The following LRRTM4 variants were observed in gnomAD, a reference collection of about 807,000 sequenced individuals.
LRRTM4 encodes leucine rich repeat transmembrane neuronal 4, also known as leucine-rich repeat transmembrane neuronal protein 4.
In LRRTM4, 25 loss-of-function variants were observed where a neutral mutation model predicts 47.6. That is an observed-to-expected ratio of 0.53 (90% CI 0.38 to 0.73). The LOEUF (loss-of-function observed/expected upper bound fraction) is 0.73, where lower values mean the gene tolerates loss of function less well. LRRTM4 is among the 30% of genes least tolerant of loss of function. LRRTM4 has a pLI of 0.00. For missense variants in LRRTM4, 638 were observed against 713.4 expected (o/e 0.89, Z 1.20); for synonymous variants, 311 against 269.5 (o/e 1.15, Z -1.51).
At chr2:77,222,940 T>C (rs1239372455) in intron 3 of LRRTM4, among the ~76,000 whole-genome samples, 1 of 152,142 alleles carries the variant, frequency 6.6e-6, no homozygotes, top group East Asian at 1.9e-4. Context: ...CTGATGAACA[T>C]TGATGCAAAA....
intron 3 of LRRTM4, among the ~76,000 whole-genome samples, chr2:77,417,476 A>T (rs74575053): frequency 6.6e-6 from 1 of 152,024 alleles, no homozygotes; most frequent in African/African-American, 2.4e-5. Flanking sequence ...ACAATAGCAA[A>T]GACTCGGAAC....
At chr2:77,342,722 TTTTG>T (rs1327515928) in intron 3 of LRRTM4, among the ~76,000 whole-genome samples, 3 of 151,872 alleles carry the variant, frequency 2.0e-5, no homozygotes, top group African/African-American at 7.2e-5. Flanking sequence ...GTGTAGGTTG[TTTTG>T]TTTGTTTGAT....
intron 3 of LRRTM4, among the ~76,000 whole-genome samples, chr2:76,936,524 G>A (rs1350553858): frequency 6.7e-6 from 1 of 150,046 alleles, no homozygotes; most frequent in Non-Finnish European, 1.5e-5. Flanking sequence ...ACCATGGCAC[G>A]TGTATGCCTA....
Position 76,887,321 on chromosome 2 carries a change from C to A in LRRTM4, c.1552-138405G>T, listed in dbSNP as rs754955327. On this transcript the variant is annotated intron_variant, in intron 3 of 3. Coordinates refer to ENST00000409884, the MANE Select transcript of LRRTM4 (RefSeq NM_001134745.3). ...AAGTATTCAAAATTTGTAAAGCAAC[C>A]TTTAATTTTATTTGACTTTTCCTAA... Among the ~76,000 whole-genome samples the A allele has an allele frequency of 2.0e-5, 3 of 151,204 alleles. No homozygotes were observed. In the South Asian group the frequency reaches 6.2e-4, roughly 31 times the overall value.
chr2:76,988,898 T>C (rs965304611), intron 3 of LRRTM4, among the ~76,000 whole-genome samples: 2 of 151,762 alleles, frequency 1.3e-5, no homozygotes, highest in Non-Finnish European at 2.9e-5. Flanking sequence ...AAAACTCAGA[T>C]TGGTAAAATA....
intron 3 of LRRTM4, among the ~76,000 whole-genome samples, chr2:76,933,682 G>C (rs1230585409): frequency 6.6e-6 from 1 of 152,050 alleles, no homozygotes; most frequent in African/African-American, 2.4e-5. Flanking sequence ...AAAGCTGCCA[G>C]ATAACTCTAT....
At chr2:77,030,305 G>C (rs1678609246) in intron 3 of LRRTM4, among the ~76,000 whole-genome samples, 1 of 151,994 alleles carries the variant, frequency 6.6e-6, no homozygotes, top group Non-Finnish European at 1.5e-5. Context: ...GTGGTGGTAT[G>C]TGCCTGTAGT....
At chr2:77,391,882 C>G (rs1254479542) in intron 3 of LRRTM4, among the ~76,000 whole-genome samples, 1 of 151,914 alleles carries the variant, frequency 6.6e-6, no homozygotes, top group East Asian at 1.9e-4. Flanking sequence ...CAGACTGTAG[C>G]AATAGGATAC....
chr2:77,049,122 TTATATATATATATATA>T (rs3058032), intron 3 of LRRTM4, among the ~76,000 whole-genome samples: 10 of 62,698 alleles, frequency 1.6e-4, no homozygotes, highest in Non-Finnish European at 2.2e-4. Flanking sequence ...ATTTCATTTT[TTATATATATATATATA>T]TATATATATA....
intron 3 of LRRTM4, among the ~76,000 whole-genome samples, chr2:76,860,942 A>G (rs1672295122): frequency 6.6e-6 from 1 of 152,138 alleles, no homozygotes; most frequent in African/African-American, 2.4e-5. Flanking sequence ...ATCTCATAGT[A>G]TGGAAATACT....
intron 3 of LRRTM4, among the ~76,000 whole-genome samples, chr2:76,792,470 A>C (rs1675028765): frequency 6.6e-6 from 1 of 152,172 alleles, no homozygotes; most frequent in Non-Finnish European, 1.5e-5. Context: ...AGATAGAAGG[A>C]TATACATCAA....
At chr2:76,924,439 C>A (rs1417584507) in intron 3 of LRRTM4, among the ~76,000 whole-genome samples, 1 of 152,034 alleles carries the variant, frequency 6.6e-6, no homozygotes, top group Non-Finnish European at 1.5e-5. Flanking sequence ...ATAGATGTAG[C>A]TAAAGCCCCA....
intron 3 of LRRTM4, among the ~76,000 whole-genome samples, chr2:76,809,906 T>A (rs1456169901): frequency 6.6e-6 from 1 of 152,120 alleles, no homozygotes; most frequent in Non-Finnish European, 1.5e-5. Flanking sequence ...CATGGTACCT[T>A]TCCTCACTTT....
intron 3 of LRRTM4, among the ~76,000 whole-genome samples, chr2:77,212,651 C>T (rs780841124): frequency 1.5e-4 from 22 of 151,226 alleles, no homozygotes; most frequent in African/African-American, 4.6e-4. Flanking sequence ...ACCAAATAAC[C>T]GACAAATTAT....
intron 3 of LRRTM4, among the ~76,000 whole-genome samples, chr2:77,441,598 C>T (rs1675844909): frequency 6.6e-6 from 1 of 151,936 alleles, no homozygotes; most frequent in Non-Finnish European, 1.5e-5. Flanking sequence ...GCTTATCTGG[C>T]CTGAGTTGTG....
At chr2:77,394,766 A>C (rs1437318464) in intron 3 of LRRTM4, among the ~76,000 whole-genome samples, 4 of 151,976 alleles carry the variant, frequency 2.6e-5, no homozygotes, top group African/African-American at 9.7e-5. Flanking sequence ...TAGGCCCCCT[A>C]TGTCAAAAGG....
intron 3 of LRRTM4, among the ~76,000 whole-genome samples, chr2:77,130,879 G>C (rs1020439873): frequency 1.9e-5 from 2 of 104,772 alleles, no homozygotes; most frequent in South Asian, 3.7e-4. Context: ...CTGTCGCCCA[G>C]GCTGGAGTGC....
chr2:77,250,742 C>T (rs1047575064), intron 3 of LRRTM4, among the ~76,000 whole-genome samples: 3 of 152,144 alleles, frequency 2.0e-5, no homozygotes, highest in Non-Finnish European at 2.9e-5. Flanking sequence ...TGATCAAAGG[C>T]ATACATTGTG....
chr2:77,329,808 G>C (rs1353965627), intron 3 of LRRTM4, among the ~76,000 whole-genome samples: 1 of 152,160 alleles, frequency 6.6e-6, no homozygotes, highest in Non-Finnish European at 1.5e-5. Context: ...AACTTATAGA[G>C]GGGGCAGCAT....
Sources: allele counts gnomAD v4.1 joint callset (sites outside exome capture counted in the v4.1 genomes callset), GRCh38; gene constraint gnomAD v4.1.1; transcripts MANE v1.5; gene names NCBI Gene and HGNC (gene_info 2026-07-23, HGNC 2026-07-21).